Variants in ZNF618 observed in about 807,000 individuals in gnomAD.
ZNF618 encodes the protein zinc finger protein 618.
A neutral mutation model predicts 103.0 loss-of-function variants in ZNF618; 34 were observed. The observed-to-expected ratio is 0.33, with a 90% CI of 0.25 to 0.44. The LOEUF is 0.44. Among genes scored for constraint, ZNF618 ranks in the 20% least tolerant of loss-of-function variants. ZNF618 has a pLI of 1.00. For missense variants in ZNF618, 1,059 were observed against 1,295.4 expected (o/e 0.82, Z 2.80); for synonymous variants, 551 against 542.2 (o/e 1.02, Z -0.23).
chr9:113,932,745 GAGGACC>G (rs1833704194), intron 1 of ZNF618, among the ~76,000 whole-genome samples: 1 of 152,152 alleles, frequency 6.6e-6, no homozygotes, highest in African/African-American at 2.4e-5. Flanking sequence ...GTGAGACTCT[GAGGACC>G]AGGTATAGGG....
At chr9:113,934,421 A>G (rs1833862637) in intron 1 of ZNF618, among the ~76,000 whole-genome samples, 1 of 152,164 alleles carries the variant, frequency 6.6e-6, no homozygotes, top group Admixed American at 6.5e-5. Context: ...CAGAGTGTAG[A>G]TGACAATTAC....
At chr9:114,007,067 A>C (rs1339085180) in intron 6 of ZNF618, among the ~76,000 whole-genome samples, 1 of 152,206 alleles carries the variant, frequency 6.6e-6, no homozygotes, top group Non-Finnish European at 1.5e-5. Flanking sequence ...GGTCTAGTCC[A>C]GACTCACAGG....
intron 2 of ZNF618, among the ~76,000 whole-genome samples, chr9:113,986,160 G>A (rs1342414654): frequency 6.6e-6 from 1 of 152,162 alleles, no homozygotes; most frequent in Non-Finnish European, 1.5e-5. Context: ...GCGCTGTGCT[G>A]AGTACTTTCC....
rs532860796 is a variant in ZNF618 at position 113,887,459 on chromosome 9, T to C, written c.33+11046T>C. ...CTACCAAAAGATTCCAAATTCGTTTTTGAGTTTGAACTGGGGTATTTTTGG... is the reference window on the plus strand; with the variant it reads ...CTACCAAAAGATTCCAAATTCGTTTCTGAGTTTGAACTGGGGTATTTTTGG... On this transcript the variant is annotated intron_variant, in intron 1 of 14. Transcript: ENST00000374126. Among the ~76,000 whole-genome samples, 20 of 152,320 alleles carry C rather than the reference T, an allele frequency of 1.3e-4. No individual in the cohort carries two copies. In the South Asian group the frequency reaches 3.9e-3, roughly 30 times the overall value.
chr9:114,055,093 C>T lies in ZNF618; in HGVS notation c.*4926C>T, dbSNP rs939219525. 1 of 152,190 alleles carries T rather than the reference C, an allele frequency of 6.6e-6. No homozygotes were observed. The highest frequency in any genetic ancestry group is 1.5e-5 in the Non-Finnish European group (1 of 68,054). The allele number at this position is 152,190 out of a possible 1,614,324, so 9.4% of individuals were successfully genotyped here. A position where few individuals can be genotyped will look rare whatever the true frequency, so the allele number is the denominator to read the frequency against. On this transcript the variant is annotated 3_prime_UTR_variant, in exon 15 of 15. Transcript: ENST00000374126. The stretch of plus-strand genomic sequence containing the variant: ...CATGGGGCACCTTGACTCTTCAAAC[C>T]AAAATTCCTTAAAGGGGCACAGCCC...
rs1588314657 is a variant in ZNF618, at chr9:114,006,943, G to A, written c.551-407G>A. Among the ~76,000 whole-genome samples the A allele has an allele frequency of 4.6e-5, 7 of 152,290 alleles. No homozygotes were observed. In the South Asian group the frequency reaches 1.4e-3, roughly 32 times the overall value. ...TCACAACCCAGCAGCCAGCAGGTGT[G>A]ACCTGGACAGAGAAGGTATGCTTGA... On this transcript the variant is annotated intron_variant, in intron 6 of 14. Transcript: ENST00000374126.
chr9:114,019,123 T>C (rs1002942958), intron 10 of ZNF618, among the ~76,000 whole-genome samples: 1 of 152,264 alleles, frequency 6.6e-6, no homozygotes, highest in Non-Finnish European at 1.5e-5. Context: ...GTCTGACTTC[T>C]TTTGCTCAGC....
Position 114,049,235 on chromosome 9 carries a change from C to G in ZNF618, c.1933C>G (p.Gln645Glu). The change falls in exon 15 of 15, where the codon CAG (glutamine) becomes GAG (glutamate). Residue 645 changes from glutamine to glutamate, a missense_variant. Gln to Glu is a conservative substitution (Grantham distance 29). Transcript: ENST00000374126. ...CSACALNSVV[Q>E]SVLSKRTLQA... ...AGCCTGTGCCTTGAACTCGGTGGTG[C>G]AGAGCGTGCTGAGCAAGCGGACACT... 6.2e-7 allele frequency: 1 copy of G among 1,613,224 alleles called. No homozygotes were observed. Among genetic ancestry groups the G allele is most frequent in the Non-Finnish European group, 8.5e-7 (1 of 1,179,666 alleles).
chr9:114,010,301 CAAAA>C (rs3034090), intron 9 of ZNF618, among the ~76,000 whole-genome samples: 11 of 116,926 alleles, frequency 9.4e-5, no homozygotes, highest in Non-Finnish European at 7.2e-5. Flanking sequence ...GACTCTGTCT[CAAAA>C]AAAAAAAAAA....
At chr9:114,027,148 G>C (rs1843579124) in intron 10 of ZNF618, among the ~76,000 whole-genome samples, 1 of 152,316 alleles carries the variant, frequency 6.6e-6, no homozygotes, top group East Asian at 1.9e-4. Context: ...GCAATCACCT[G>C]GTGGGACTCA....
chr9:114,047,442 C>T (rs1302026133), intron 13 of ZNF618, among the ~76,000 whole-genome samples: 2 of 152,176 alleles, frequency 1.3e-5, no homozygotes, highest in Non-Finnish European at 2.9e-5. Flanking sequence ...TTAAAAAATG[C>T]AAACTTTGCG....
intron 1 of ZNF618, among the ~76,000 whole-genome samples, chr9:113,879,782 GTT>G (rs796540505): frequency 1.4e-5 from 2 of 139,334 alleles, no homozygotes; most frequent in South Asian, 2.3e-4. Flanking sequence ...GCCTAAGGAG[GTT>G]TTTTTTTTTT....
intron 1 of ZNF618, among the ~76,000 whole-genome samples, chr9:113,948,181 C>T (rs116721927): frequency 6.6e-6 from 1 of 152,250 alleles, no homozygotes; most frequent in African/African-American, 2.4e-5. Flanking sequence ...AATTTTCACT[C>T]CCTTTGTACT....
intron 13 of ZNF618, among the ~76,000 whole-genome samples, chr9:114,039,594 G>A (rs966074622): frequency 2.0e-5 from 3 of 152,058 alleles, no homozygotes; most frequent in Middle Eastern, 3.4e-3. Context: ...CAAGTGATCC[G>A]CCCACCTCAG....
chr9:113,914,671 A>G (rs1189492208), intron 1 of ZNF618, among the ~76,000 whole-genome samples: 4 of 152,228 alleles, frequency 2.6e-5, no homozygotes, highest in East Asian at 1.9e-4. Context: ...TATAAACACT[A>G]TGCTAATTAT....
intron 9 of ZNF618, among the ~76,000 whole-genome samples, chr9:114,011,780 T>C (rs1842268837): frequency 6.6e-6 from 1 of 152,180 alleles, no homozygotes; most frequent in South Asian, 2.1e-4. Flanking sequence ...GGTACTTAGG[T>C]TGGAAGAAGC....
Position 114,002,621 on chromosome 9 carries a change from C to T in ZNF618, c.512-3C>T. ...CCCCATCCCTCTCTCTCTCTCTTTGCAGACACCGAAGCCACCTCAGGGGAG... is the reference window on the plus strand; with the variant it reads ...CCCCATCCCTCTCTCTCTCTCTTTGTAGACACCGAAGCCACCTCAGGGGAG... On this transcript the variant is annotated splice_polypyrimidine_tract_variant and splice_region_variant and intron_variant, in intron 5 of 14. Transcript: ENST00000374126. 2 of 1,607,530 alleles carry T rather than the reference C, an allele frequency of 1.2e-6. No homozygotes were observed.
chr9:113,905,959 G>A (rs992968682), intron 1 of ZNF618, among the ~76,000 whole-genome samples: 3 of 152,108 alleles, frequency 2.0e-5, no homozygotes, highest in Admixed American at 6.5e-5. Flanking sequence ...CTCTCTTAGG[G>A]TGTTTTGCCC....
intron 1 of ZNF618, among the ~76,000 whole-genome samples, chr9:113,907,706 C>T (rs1054035779): frequency 5.9e-5 from 9 of 152,188 alleles, no homozygotes; most frequent in Non-Finnish European, 1.2e-4. Flanking sequence ...TTCTGCATCG[C>T]TGGGAGGTAC....
Sources: allele counts gnomAD v4.1 joint callset (sites outside exome capture counted in the v4.1 genomes callset), GRCh38; gene constraint gnomAD v4.1.1; transcripts MANE v1.5; gene names NCBI Gene and HGNC (gene_info 2026-07-23, HGNC 2026-07-21).